The following BTAF1 variants were observed in gnomAD, a reference collection of about 807,000 sequenced individuals.
BTAF1 encodes TATA-binding protein-associated factor 172.
In BTAF1, 38 loss-of-function variants were observed where a neutral mutation model predicts 227.1. The ratio of observed to expected loss-of-function variants is 0.17; its 90% CI spans 0.13 to 0.22. The LOEUF (loss-of-function observed/expected upper bound fraction) is 0.22, where lower values mean the gene tolerates loss of function less well. BTAF1 is among the 10% of genes least tolerant of loss of function. The pLI, the probability that BTAF1 is intolerant of heterozygous loss-of-function variation, is 1.00. For missense variants in BTAF1, 1,598 were observed against 2,204.0 expected, an observed-to-expected ratio of 0.73 and a Z score of 5.51; for synonymous variants, 742 against 751.9, an observed-to-expected ratio of 0.99 and a Z score of 0.21.
rs949497368 is a variant in BTAF1, at chr10:92,009,215, G to A, written c.4103+7G>A. Reference sequence around the variant, plus strand: ...CTCCCACTGAAAGAATAAGGTAAGAGTTGTATGACAATAACAAAATATTTC... The same window carrying A: ...CTCCCACTGAAAGAATAAGGTAAGAATTGTATGACAATAACAAAATATTTC... On this transcript the variant is annotated splice_region_variant and intron_variant, in intron 28 of 37. Coordinates refer to ENST00000265990, the MANE Select transcript of BTAF1 (RefSeq NM_003972.3). The A allele has an allele frequency of 1.9e-6, 3 of 1,609,254 alleles. No individual in the cohort carries two copies. The Admixed American group carries it at 5.1e-5, about 27-fold the overall frequency.
At chr10:92,025,890 T>C (rs1851479325) in intron 35 of BTAF1, among the ~76,000 whole-genome samples, 1 of 152,158 alleles carries the variant, frequency 6.6e-6, no homozygotes, top group African/African-American at 2.4e-5. Flanking sequence ...GGAGGGACTT[T>C]GGAAGCCGAC....
chr10:91,998,270 AAC>A (rs1205545028), intron 25 of BTAF1, among the ~76,000 whole-genome samples: 1 of 152,176 alleles, frequency 6.6e-6, no homozygotes, highest in Non-Finnish European at 1.5e-5. Flanking sequence ...TTTTTCCTTT[AAC>A]ACACAGAGTT....
chr10:91,964,021 GGTTT>G, intron 12 of BTAF1, 52 bp from the exon 13 acceptor site: 1 of 1,597,276 alleles, frequency 6.3e-7, no homozygotes, highest in Non-Finnish European at 8.5e-7. Flanking sequence ...CATTTGGCAG[GGTTT>G]GTGAGTATTT....
rs1443735432 is a variant in BTAF1 at position 91,953,882 on chromosome 10, C to CT, written c.701+16dup. ...GAAACTAATGAGAAGAGGTAGTAATCTTTTTTTGCCTATTCACTTAAAACA... is the reference window on the plus strand; with the variant it reads ...GAAACTAATGAGAAGAGGTAGTAATCTTTTTTTTGCCTATTCACTTAAAACA... On this transcript the variant is annotated intron_variant, in intron 6 of 37. Coordinates refer to ENST00000265990, the MANE Select transcript of BTAF1 (RefSeq NM_003972.3). 1.2e-6 allele frequency: 2 copies of CT among 1,612,680 alleles called. No individual in the cohort carries two copies. Among genetic ancestry groups the CT allele is most frequent in the Non-Finnish European group, 1.7e-6 (2 of 1,179,492 alleles).
Position 91,981,672 on chromosome 10 carries a change from A to G in BTAF1, c.1785A>G (p.Ser595=), listed in dbSNP as rs1848072681. The G allele has an allele frequency of 6.2e-7, 1 of 1,612,604 alleles. No individual in the cohort carries two copies. The highest frequency in any genetic ancestry group is 8.5e-7 in the Non-Finnish European group (1 of 1,179,500). ...KVWMELLSKA[S]VQYVVAAACP... is the part of the protein sequence containing the mutation. ...GGATGGAACTGTTGAGTAAGGCTTCAGTTCAGTATGTGGTAGCAGCTGCTT... is the reference window on the plus strand; with the variant it reads ...GGATGGAACTGTTGAGTAAGGCTTCGGTTCAGTATGTGGTAGCAGCTGCTT... Residue 595 remains serine (S), a synonymous_variant, in exon 16 of 38, where the codon TCA becomes TCG. Transcript: ENST00000265990.
At chr10:91,957,620 C>T (rs1042393255) in intron 8 of BTAF1, among the ~76,000 whole-genome samples, 1 of 152,136 alleles carries the variant, frequency 6.6e-6, no homozygotes, top group Non-Finnish European at 1.5e-5. Context: ...GCAGTAGTTT[C>T]CAAGCCAGCT....
At chr10:92,000,440 T>C (rs1849441437) in intron 25 of BTAF1, among the ~76,000 whole-genome samples, 1 of 152,184 alleles carries the variant, frequency 6.6e-6, no homozygotes, top group African/African-American at 2.4e-5. Flanking sequence ...TAATAGCCAT[T>C]TGAATATGGA....
chr10:91,927,006 C>G (rs1030622745), intron 1 of BTAF1, among the ~76,000 whole-genome samples: 1 of 151,942 alleles, frequency 6.6e-6, no homozygotes, highest in Admixed American at 6.6e-5. Flanking sequence ...TGTACTTCCC[C>G]TTCACCTTCT....
intron 5 of BTAF1, among the ~76,000 whole-genome samples, chr10:91,952,816 T>C (rs1342640069): frequency 6.6e-6 from 1 of 151,996 alleles, no homozygotes; most frequent in Non-Finnish European, 1.5e-5. Context: ...AAGTGTAAGA[T>C]GTAACTAGAA....
At chr10:92,025,906 C>T (rs1047000477) in intron 35 of BTAF1, among the ~76,000 whole-genome samples, 8 of 151,764 alleles carry the variant, frequency 5.3e-5, no homozygotes, top group Admixed American at 3.9e-4. Flanking sequence ...CCGACAGGCT[C>T]AGGTTTGACT....
At position 92,029,058 on chromosome 10, in the gene BTAF1, T is replaced by C; in HGVS notation, c.*125T>C. 1.2e-6 allele frequency: 1 copy of C among 827,086 alleles called. No individual in the cohort carries two copies. Among genetic ancestry groups the C allele is most frequent in the Non-Finnish European group, 1.8e-6 (1 of 561,582 alleles). 51.2% of individuals were successfully genotyped at this position (827,086 alleles called of 1,614,324 possible). ...AAATAGATCTGGAGAATATTCAGCA[T>C]AATGCTGGCTCTTGTTTCACTGGGG... On this transcript the variant is annotated 3_prime_UTR_variant, in exon 38 of 38. Coordinates refer to ENST00000265990, the MANE Select transcript of BTAF1 (RefSeq NM_003972.3).
Position 91,980,568 on chromosome 10 carries a change from A to T in BTAF1, c.1755+10A>T. The stretch of plus-strand genomic sequence containing the variant: ...GGACCTTATTCACAAGGTACACAGC[A>T]AATGTATTTGTGTTCCTTTTCCTAG... On this transcript the variant is annotated intron_variant, in intron 15 of 37. Transcript: ENST00000265990. The T allele has an allele frequency of 6.3e-6, 10 of 1,586,928 alleles. No homozygotes were observed. The highest frequency in any genetic ancestry group is 8.6e-6 in the Non-Finnish European group (10 of 1,156,620).
At chr10:91,939,798 T>C (rs949174609) in intron 2 of BTAF1, among the ~76,000 whole-genome samples, 154 bp from the exon 3 acceptor site, 2 of 152,220 alleles carry the variant, frequency 1.3e-5, no homozygotes, top group African/African-American at 4.8e-5. Context: ...GATAGAATCT[T>C]GTAAATGAAT....
At chr10:91,924,213 G>C in intron 1 of BTAF1, 123 bp downstream of exon 1, 1 of 1,339,754 alleles carries the variant, frequency 7.5e-7, no homozygotes, top group South Asian at 1.5e-5. Flanking sequence ...GCTTTCTTCA[G>C]TAGACTTCGG....
rs551441355 is a variant in BTAF1, at chr10:91,995,632, C to T, written c.3310-737C>T. 4.0e-5 allele frequency among the ~76,000 whole-genome samples: 6 copies of T among 151,138 alleles called. No individual in the cohort carries two copies. In the South Asian group the frequency reaches 6.3e-4, roughly 16 times the overall value. ...CAGAGGTTGCAGTGAGCCAAGATCG[C>T]GCCACTGCACTCTAGCCTAGGCGAC... On this transcript the variant is annotated intron_variant, in intron 23 of 37. Transcript: ENST00000265990.
intron 25 of BTAF1, among the ~76,000 whole-genome samples, chr10:92,001,907 G>A (rs1849554544): frequency 7.3e-6 from 1 of 137,636 alleles, no homozygotes. Context: ...GAGCTTAGGA[G>A]TTTGAAACCA....
chr10:91,985,012 A>C (rs993265915), intron 19 of BTAF1, among the ~76,000 whole-genome samples: 3 of 152,108 alleles, frequency 2.0e-5, no homozygotes, highest in African/African-American at 7.2e-5. Context: ...TTCTGAGGAA[A>C]AATTTATGTG....
At position 91,988,643 on chromosome 10, in the gene BTAF1, G is replaced by C. The variant is rs1006467605; in HGVS notation, c.2428-511G>C. Among the ~76,000 whole-genome samples the C allele has an allele frequency of 5.3e-5, 8 of 152,204 alleles. No homozygotes were observed. The East Asian group carries it at 1.5e-3, about 29-fold the overall frequency. ...TTTCTTTTCCTTCTTCCATTGCCTGGGCATTTCCACCAGAAGGGAGGTTAA... is the reference window on the plus strand; with the variant it reads ...TTTCTTTTCCTTCTTCCATTGCCTGCGCATTTCCACCAGAAGGGAGGTTAA... On this transcript the variant is annotated intron_variant, in intron 19 of 37. Coordinates refer to ENST00000265990, the MANE Select transcript of BTAF1 (RefSeq NM_003972.3).
intron 25 of BTAF1, among the ~76,000 whole-genome samples, chr10:92,001,984 A>G (rs1158669365): frequency 3.0e-5 from 3 of 101,468 alleles, no homozygotes; most frequent in African/African-American, 9.6e-5. Flanking sequence ...ATATATATAT[A>G]TACACACACA....
Sources: allele counts gnomAD v4.1 joint callset (sites outside exome capture counted in the v4.1 genomes callset), GRCh38; gene constraint gnomAD v4.1.1; transcripts MANE v1.5; gene names NCBI Gene and HGNC (gene_info 2026-07-23, HGNC 2026-07-21).